HDAC9: variants seen among roughly 807,000 people sequenced by gnomAD.
HDAC9 encodes histone deacetylase 9.
Under a neutral mutation model 139.4 loss-of-function variants are expected in HDAC9, and 41 were observed. That is an observed-to-expected ratio of 0.29 (90% CI 0.23 to 0.38). The LOEUF (loss-of-function observed/expected upper bound fraction) is 0.38. Among genes scored for constraint, HDAC9 ranks in the 10% least tolerant of loss-of-function variants. The probability of loss-of-function intolerance (pLI) is 1.00; values close to 1 mark genes in which losing one functional copy is unlikely to be tolerated. For missense variants in HDAC9, 1,147 were observed against 1,297.0 expected, an observed-to-expected ratio of 0.88 and a Z score of 1.78; for synonymous variants, 517 against 476.2, an observed-to-expected ratio of 1.09 and a Z score of -1.12.
At chr7:18,378,804 A>G (rs1203573719) in intron 1 of HDAC9, among the ~76,000 whole-genome samples, 2 of 152,166 alleles carry the variant, frequency 1.3e-5, no homozygotes, top group Non-Finnish European at 2.9e-5. Context: ...TGTCTACACA[A>G]TTGAAGCGAT....
rs557544001 is a variant in HDAC9 at position 18,261,181 on chromosome 7, G to A, written c.25+98832G>A. ...AAATTGGGTGTGCATGGTGATGCAG[G>A]CCTATAGTCCCAGCAGCTCAGGAGG... On this transcript the variant is annotated intron_variant, in intron 2 of 12. Transcript: ENST00000417496. 2.6e-5 allele frequency among the ~76,000 whole-genome samples: 4 copies of A among 152,068 alleles called. No homozygotes were observed. The East Asian group carries it at 7.7e-4, about 29-fold the overall frequency.
At position 18,563,960 on chromosome 7, in the gene HDAC9, A is replaced by G. The variant is rs149823999; in HGVS notation, c.23-21321A>G. Among the ~76,000 whole-genome samples, 504 of 150,950 alleles carry G rather than the reference A, an allele frequency of 3.3e-3. 5 individuals carry two copies. Among genetic ancestry groups the G allele is most frequent in the African/African-American group, 0.012 (479 of 41,058 alleles). On this transcript the variant is annotated intron_variant, in intron 2 of 25. Transcript: ENST00000686413. The stretch of plus-strand genomic sequence containing the variant: ...AAGCAATTCTCCTGCCTTAGCCTCC[A>G]AAATAGCTGGGACTACAGGTGTGTG...
intron 2 of HDAC9, among the ~76,000 whole-genome samples, chr7:18,186,281 A>T (rs1789906229): frequency 6.6e-6 from 1 of 152,238 alleles, no homozygotes; most frequent in East Asian, 1.9e-4. Flanking sequence ...ACTAAAATTA[A>T]AGCTTGTACC....
chr7:18,584,760 A>G (rs373878767), intron 2 of HDAC9, among the ~76,000 whole-genome samples: 2 of 152,216 alleles, frequency 1.3e-5, no homozygotes, highest in African/African-American at 2.4e-5. Flanking sequence ...GCAGTTGTCT[A>G]TTCTGTCTTT....
intron 21 of HDAC9, among the ~76,000 whole-genome samples, chr7:18,865,609 T>G (rs2129238178): frequency 6.6e-6 from 1 of 152,218 alleles, no homozygotes; most frequent in African/African-American, 2.4e-5. Context: ...CTACAGGGCC[T>G]GTGTTGTGTG....
intron 22 of HDAC9, among the ~76,000 whole-genome samples, chr7:18,896,737 A>G (rs923451362): frequency 6.6e-6 from 1 of 152,032 alleles, no homozygotes; most frequent in African/African-American, 2.4e-5. Context: ...TGCAAAAGCC[A>G]TTTTGTTAAA....
intron 2 of HDAC9, among the ~76,000 whole-genome samples, chr7:18,279,076 A>G (rs1347185979): frequency 3.9e-5 from 6 of 152,256 alleles, no homozygotes; most frequent in Non-Finnish European, 7.3e-5. Context: ...TCAATTCATC[A>G]TTCAATAAAG....
intron 12 of HDAC9, among the ~76,000 whole-genome samples, chr7:18,713,174 G>T (rs1454325864): frequency 2.6e-5 from 4 of 152,042 alleles, no homozygotes; most frequent in Non-Finnish European, 4.4e-5. Context: ...AGAAATGAGT[G>T]TCATAAAAAA....
intron 1 of HDAC9, among the ~76,000 whole-genome samples, chr7:18,428,873 G>A (rs1003844629): frequency 2.4e-4 from 37 of 152,140 alleles, no homozygotes; most frequent in African/African-American, 6.0e-4. Flanking sequence ...TCCACATGCT[G>A]AGCACACACC....
At chr7:18,669,867 A>C (rs946202088) in intron 12 of HDAC9, among the ~76,000 whole-genome samples, 5 of 151,784 alleles carry the variant, frequency 3.3e-5, no homozygotes, top group African/African-American at 1.2e-4. Flanking sequence ...TCACCTTCTC[A>C]TTGGTGAAGG....
intron 2 of HDAC9, among the ~76,000 whole-genome samples, chr7:18,567,248 G>A (rs1822647226): frequency 6.6e-6 from 1 of 152,086 alleles, no homozygotes; most frequent in African/African-American, 2.4e-5. Flanking sequence ...GTTGAACTAA[G>A]GAATCGCATG....
intron 2 of HDAC9, among the ~76,000 whole-genome samples, chr7:18,571,630 A>T (rs868094360): frequency 1.2e-3 from 179 of 145,596 alleles, no homozygotes; most frequent in African/African-American, 4.1e-3. Flanking sequence ...TTTATTTTTT[A>T]TTTTTTTTTT....
intron 16 of HDAC9, among the ~76,000 whole-genome samples, chr7:18,788,289 C>T (rs1012612658): frequency 2.0e-5 from 3 of 152,132 alleles, no homozygotes; most frequent in African/African-American, 7.2e-5. Flanking sequence ...CACAGGCTCT[C>T]CCATATCATA....
At chr7:18,755,451 A>T (rs961220798) in intron 14 of HDAC9, among the ~76,000 whole-genome samples, 28 of 152,174 alleles carry the variant, frequency 1.8e-4, no homozygotes, top group African/African-American at 6.5e-4. Context: ...ATTTTCACCC[A>T]TTTGAAAATT....
At chr7:18,945,516 T>C (rs1782315760) in intron 23 of HDAC9, among the ~76,000 whole-genome samples, 1 of 152,228 alleles carries the variant, frequency 6.6e-6, no homozygotes. Flanking sequence ...TCTTTTCCTG[T>C]AGGATTGGTT....
chr7:18,451,047 C>A (rs1028477784), intron 1 of HDAC9, among the ~76,000 whole-genome samples: 1 of 152,064 alleles, frequency 6.6e-6, no homozygotes, highest in African/African-American at 2.4e-5. Context: ...AACCTAGTCA[C>A]CATTGTGGTG....
chr7:18,856,980 C>A (rs1363382223), intron 21 of HDAC9, among the ~76,000 whole-genome samples: 1 of 152,112 alleles, frequency 6.6e-6, no homozygotes, highest in Non-Finnish European at 1.5e-5. Context: ...TCAGTCTGTT[C>A]ATATATTCTT....
At chr7:18,099,925 G>A (rs1782738436) in intron 1 of HDAC9, among the ~76,000 whole-genome samples, 1 of 152,058 alleles carries the variant, frequency 6.6e-6, no homozygotes. Flanking sequence ...CCATTTCAGT[G>A]CTCTTTATTC....
intron 2 of HDAC9, among the ~76,000 whole-genome samples, chr7:18,206,593 T>C (rs1791528156): frequency 6.6e-6 from 1 of 152,130 alleles, no homozygotes; most frequent in Non-Finnish European, 1.5e-5. Context: ...CCCAGAGAAA[T>C]TCAGCCTTTC....
Sources: allele counts gnomAD v4.1 joint callset (sites outside exome capture counted in the v4.1 genomes callset), GRCh38; gene constraint gnomAD v4.1.1; transcripts MANE v1.5; gene names NCBI Gene and HGNC (gene_info 2026-07-23, HGNC 2026-07-21).